Variants in DSCAM observed in about 807,000 individuals in gnomAD.
DSCAM encodes the protein DS cell adhesion molecule.
Under a neutral mutation model 217.7 loss-of-function variants are expected in DSCAM, and 47 were observed. The observed-to-expected ratio is 0.22, with a 90% confidence interval of 0.17 to 0.28. The LOEUF (loss-of-function observed/expected upper bound fraction) is 0.28, where lower values mean the gene tolerates loss of function less well. Ranked by LOEUF, DSCAM falls within the 10% of genes least tolerant of loss-of-function variation. DSCAM has a pLI of 1.00. For synonymous variants in DSCAM, 1,056 were observed against 1,015.3 expected (o/e 1.04, Z -0.76); for missense variants, 2,080 against 2,618.3 (o/e 0.79, Z 4.49).
intron 11 of DSCAM, among the ~76,000 whole-genome samples, chr21:40,264,068 G>T (rs559608201): frequency 1.3e-5 from 2 of 149,192 alleles, no homozygotes; most frequent in African/African-American, 5.1e-5. Context: ...AAAAAAAAAT[G>T]CCAACAAAAC....
intron 3 of DSCAM, among the ~76,000 whole-genome samples, chr21:40,691,292 G>C (rs1270997781): frequency 6.6e-6 from 1 of 152,186 alleles, no homozygotes; most frequent in Non-Finnish European, 1.5e-5. Context: ...CTCTTCCTCT[G>C]CCAGAGCAGA....
In DSCAM at chr21:40,822,318, CAAAAAA is replaced by C. The variant is rs61569827; in HGVS notation, c.43+24295_43+24300del. Reference sequence around the variant, plus strand: ...TGGGTGACAGAGTGAGATCTTTTCTCAAAAAAAAAAAAAAAAAAAAAAAAAAAAGTC... The same window carrying C: ...TGGGTGACAGAGTGAGATCTTTTCTCAAAAAAAAAAAAAAAAAAAAAAGTC... On this transcript the variant is annotated intron_variant, in intron 1 of 32. Transcript: ENST00000400454. Among the ~76,000 whole-genome samples, 286 of 57,854 alleles carry C rather than the reference CAAAAAA, an allele frequency of 4.9e-3. 4 individuals are homozygous for C. The highest frequency in any genetic ancestry group is 0.019 in the African/African-American group (278 of 14,486). The allele number at this position is 57,854 out of a possible 152,430, so 38.0% of individuals were successfully genotyped here. A position where few individuals can be genotyped will look rare whatever the true frequency, so the allele number is the denominator to read the frequency against.
intron 10 of DSCAM, among the ~76,000 whole-genome samples, chr21:40,284,601 A>G (rs1457366590): frequency 6.6e-6 from 1 of 152,340 alleles, no homozygotes; most frequent in African/African-American, 2.4e-5. Flanking sequence ...GTCAACCCCA[A>G]ACATCAGGTT....
chr21:40,362,984 G>A (rs1039578610), intron 4 of DSCAM, among the ~76,000 whole-genome samples: 3 of 152,042 alleles, frequency 2.0e-5, no homozygotes, highest in African/African-American at 7.2e-5. Context: ...GACGAGAGCC[G>A]CTTTATGTTG....
chr21:40,039,170 TAAAG>T (rs202041057), intron 32 of DSCAM, among the ~76,000 whole-genome samples: 26,162 of 150,226 alleles, frequency 0.17, 2,420 homozygotes, highest in Middle Eastern at 0.23. Flanking sequence ...AGTATAATAA[TAAAG>T]AAAAGAAAAG....
intron 3 of DSCAM, 87 bp from the exon 4 acceptor site, chr21:40,369,332 T>C (rs966650929): frequency 1.5e-4 from 204 of 1,366,272 alleles, no homozygotes; most frequent in Admixed American, 5.6e-4. Flanking sequence ...GTTTTTTTTT[T>C]CCCCCACCTG....
intron 3 of DSCAM, among the ~76,000 whole-genome samples, chr21:40,691,807 T>G (rs1013466089): frequency 3.9e-5 from 6 of 152,230 alleles, no homozygotes; most frequent in African/African-American, 1.4e-4. Context: ...GGCAATGTAT[T>G]TCAACTTTGA....
chr21:40,595,884 AC>A (rs1170881793), intron 3 of DSCAM, among the ~76,000 whole-genome samples: 1 of 152,226 alleles, frequency 6.6e-6, no homozygotes, highest in African/African-American at 2.4e-5. Context: ...CCTGAATGAG[AC>A]GAAGTATCCT....
intron 1 of DSCAM, among the ~76,000 whole-genome samples, chr21:40,758,711 G>A (rs1367478233): frequency 6.6e-6 from 1 of 152,028 alleles, no homozygotes; most frequent in African/African-American, 2.4e-5. Context: ...GAGGGGGGCA[G>A]CTTGGTTTCT....
At chr21:40,263,697 T>G (rs181878824) in intron 11 of DSCAM, among the ~76,000 whole-genome samples, 2 of 149,462 alleles carry the variant, frequency 1.3e-5, no homozygotes. Context: ...AGAAAAGAAA[T>G]AACAAAGATC....
chr21:40,290,794 A>G (rs1485612521), intron 10 of DSCAM, among the ~76,000 whole-genome samples: 1 of 152,210 alleles, frequency 6.6e-6, no homozygotes, highest in Non-Finnish European at 1.5e-5. Flanking sequence ...GGAACAAACC[A>G]TTGCAAACCA....
At chr21:40,686,770 G>A (rs544572497) in intron 3 of DSCAM, among the ~76,000 whole-genome samples, 11 of 152,102 alleles carry the variant, frequency 7.2e-5, no homozygotes, top group East Asian at 3.9e-4. Flanking sequence ...TGTGCCCCTC[G>A]CCTTACACGA....
At chr21:40,506,630 G>A (rs1187690941) in intron 3 of DSCAM, among the ~76,000 whole-genome samples, 1 of 152,172 alleles carries the variant, frequency 6.6e-6, no homozygotes, top group Non-Finnish European at 1.5e-5. Context: ...AGAAAATGTG[G>A]ATCTGTGATG....
intron 3 of DSCAM, among the ~76,000 whole-genome samples, chr21:40,589,589 A>G (rs2076970105): frequency 6.6e-6 from 1 of 152,222 alleles, no homozygotes; most frequent in African/African-American, 2.4e-5. Context: ...AAAGAAAAGA[A>G]AAAAACACAC....
chr21:40,196,295 T>C (rs531307894), intron 11 of DSCAM, among the ~76,000 whole-genome samples: 59 of 152,278 alleles, frequency 3.9e-4, no homozygotes, highest in African/African-American at 1.3e-3. Flanking sequence ...GGCAGGACCC[T>C]TGGCCGTCCT....
intron 3 of DSCAM, among the ~76,000 whole-genome samples, chr21:40,477,184 A>T (rs2075944259): frequency 6.6e-6 from 1 of 152,234 alleles, no homozygotes; most frequent in African/African-American, 2.4e-5. Context: ...CCTCATTCAT[A>T]CAATATTCAC....
rs201746597 is a variant in DSCAM at position 40,167,176 on chromosome 21, T to C, written c.3018+42A>G. ...CTGAACAGGAGTGAAGGGCTCGCCC[T>C]GGGGGGAAAGCACCGAGAATACAAA... On this transcript the variant is annotated intron_variant, in intron 16 of 32. Coordinates refer to ENST00000400454, the MANE Select transcript of DSCAM (RefSeq NM_001389.5). 21 of 1,582,256 alleles carry C rather than the reference T, an allele frequency of 1.3e-5. No individual in the cohort carries two copies. The Admixed American group carries it at 3.5e-4, about 26-fold the overall frequency.
chr21:40,781,732 G>A (rs2091545935), intron 1 of DSCAM, among the ~76,000 whole-genome samples: 1 of 151,928 alleles, frequency 6.6e-6, no homozygotes, highest in Non-Finnish European at 1.5e-5. Flanking sequence ...CCCAACCCAG[G>A]CCATTATTGC....
intron 3 of DSCAM, among the ~76,000 whole-genome samples, chr21:40,487,768 G>A (rs1467350758): frequency 6.6e-6 from 1 of 152,150 alleles, no homozygotes; most frequent in Non-Finnish European, 1.5e-5. Flanking sequence ...AGCTGCTTGA[G>A]GGTGAGGGCT....
Sources: gnomAD v4.1 joint callset for allele counts (sites outside exome capture counted in the v4.1 genomes callset) on GRCh38, gnomAD v4.1.1 for gene constraint, MANE v1.5 for transcripts, NCBI Gene and HGNC (gene_info 2026-07-23, HGNC 2026-07-21) for gene names.